The following RABL6 variants were observed in gnomAD, a reference collection of about 807,000 sequenced individuals.
The protein encoded by RABL6 is rab-like protein 6.
In RABL6, 28 loss-of-function variants were observed where a neutral mutation model predicts 72.9. That is an observed-to-expected ratio of 0.38 (90% CI 0.28 to 0.53). The LOEUF (loss-of-function observed/expected upper bound fraction) is 0.53, where lower values mean the gene tolerates loss of function less well. RABL6 is among the 20% of genes least tolerant of loss of function. RABL6 has a pLI of 0.80. For synonymous variants in RABL6, 477 were observed against 421.2 expected, an observed-to-expected ratio of 1.13 and a Z score of -1.62; for missense variants, 1,029 against 1,008.4, an observed-to-expected ratio of 1.02 and a Z score of -0.28.
intron 1 of RABL6, chr9:136,814,258 TG>T (rs1398568569): frequency 5.4e-6 from 1 of 185,492 alleles, no homozygotes; most frequent in Non-Finnish European, 1.1e-5. Flanking sequence ...TGGTGCTCAC[TG>T]CAGCTTCCAC....
intron 7 of RABL6, chr9:136,833,757 T>C (rs1255891570): frequency 1.3e-6 from 2 of 1,550,490 alleles, no homozygotes; most frequent in Admixed American, 3.9e-5. Flanking sequence ...GGCTGTGCTG[T>C]CGTCCTGGTG....
intron 3 of RABL6, 91 bp downstream of exon 3, chr9:136,825,917 C>T (rs1415370447): frequency 2.1e-6 from 3 of 1,434,598 alleles, no homozygotes; most frequent in Non-Finnish European, 2.9e-6. Context: ...GCCCATGCAT[C>T]ACCCACCATC....
At chr9:136,822,736 C>T (rs1040274786) in intron 1 of RABL6, among the ~76,000 whole-genome samples, 1 of 152,212 alleles carries the variant, frequency 6.6e-6, no homozygotes, top group African/African-American at 2.4e-5. Flanking sequence ...CCGGGGCTAC[C>T]CGGCACACAC....
chr9:136,815,926 G>T (rs904640160), intron 1 of RABL6, among the ~76,000 whole-genome samples: 1 of 152,178 alleles, frequency 6.6e-6, no homozygotes, highest in African/African-American at 2.4e-5. Flanking sequence ...TAGTAAAAGA[G>T]CAGGTTTACC....
At position 136,839,736 on chromosome 9, in the gene RABL6, G is replaced by C. The variant is rs751187534; in HGVS notation, c.1801G>C (p.Glu601Gln). The change falls in exon 13 of 15, where the codon GAG becomes CAG. Residue 601 changes from glutamate (E) to glutamine (Q), a missense_variant. Physicochemically the swap from Glu to Gln is conservative, Grantham distance 29 (BLOSUM62 2). Coordinates refer to ENST00000311502, the MANE Select transcript of RABL6 (RefSeq NM_024718.5). ...VRDDPSDVTD[E>Q]DEGPAEPPPP... ...AGATGACCCCTCCGATGTGACTGAC[G>C]AGGATGAGGGCCCTGCCGAGCCGCC... is the stretch of plus-strand genomic sequence containing the variant. 103 of 1,608,600 alleles carry C rather than the reference G, an allele frequency of 6.4e-5. No individual in the cohort carries two copies. Among genetic ancestry groups the C allele is most frequent in the Middle Eastern group, 3.3e-4 (2 of 6,056 alleles).
chr9:136,824,978 G>T (rs1043107709), intron 2 of RABL6, among the ~76,000 whole-genome samples: 1 of 152,172 alleles, frequency 6.6e-6, no homozygotes, highest in African/African-American at 2.4e-5. Context: ...TGAGGGCCCC[G>T]GGCGTGCCTC....
rs538402912 is a variant in RABL6 at position 136,828,516 on chromosome 9, C to T, written c.336C>T (p.Asp112=). Residue 112 remains aspartate (D), a synonymous_variant, in exon 4 of 15, where the codon GAC becomes GAT. Transcript: ENST00000311502. ...VDKGKCKKRG[D]GLKMENDPQE... is the part of the protein sequence containing the mutation. ...AAGGAAAATGCAAAAAGCGAGGCGA[C>T]GGCTTAAAGATGGAGAACGACCCCC... 63 of 1,613,304 alleles carry T rather than the reference C, an allele frequency of 3.9e-5. No individual in the cohort carries two copies. In the Middle Eastern group the frequency reaches 2.4e-3, roughly 62 times the overall value.
Position 136,814,231 on chromosome 9 carries a change from CCCAG to C in RABL6, c.130+5906_130+5909del, listed in dbSNP as rs200715447. The C allele has an allele frequency of 6.4e-3, 1,431 of 223,534 alleles. 20 individuals carry two copies. Among genetic ancestry groups the C allele is most frequent in the African/African-American group, 0.032 (1,350 of 41,974 alleles). 13.8% of individuals were successfully genotyped at this position (223,534 alleles called of 1,614,324 possible). A position where few individuals can be genotyped will look rare whatever the true frequency, so the allele number is the denominator to read the frequency against. ...TTCGAGACAGGGTCTTGCTCTGTTA[CCCAG>C]GCTGGAGTGCAATGGTGCTCACTGC... On this transcript the variant is annotated intron_variant, in intron 1 of 14. Coordinates refer to ENST00000311502, the MANE Select transcript of RABL6 (RefSeq NM_024718.5).
Position 136,840,954 on chromosome 9 carries a change from G to T in RABL6, c.*432G>T, listed in dbSNP as rs185302080. 14 of 1,458,960 alleles carry T rather than the reference G, an allele frequency of 9.6e-6. No individual in the cohort carries two copies. The African/African-American group carries it at 1.7e-4, about 18-fold the overall frequency. The allele number at this position is 1,458,960 out of a possible 1,614,324, so 90.4% of individuals were successfully genotyped here. ...GCAGCATGCCTATGGTTCCGCTTCC[G>T]GCCGGGAGCCCTGAACACGGGTGTG... On this transcript the variant is annotated 3_prime_UTR_variant, in exon 15 of 15. Transcript: ENST00000311502.
chr9:136,837,278 C>T, intron 8 of RABL6, 68 bp from the exon 9 acceptor site: 1 of 1,492,390 alleles, frequency 6.7e-7, no homozygotes, highest in Non-Finnish European at 9.2e-7. Flanking sequence ...GCAGAGAGCC[C>T]CCTGTCACCT....
intron 1 of RABL6, among the ~76,000 whole-genome samples, chr9:136,811,398 A>G (rs886542395): frequency 5.3e-5 from 8 of 152,140 alleles, no homozygotes; most frequent in South Asian, 2.1e-4. Context: ...CAGGCGGACA[A>G]CCTGAGGCCA....
At chr9:136,821,505 G>A in intron 1 of RABL6, 1 of 985,416 alleles carries the variant, frequency 1.0e-6, no homozygotes, top group African/African-American at 1.7e-5. Context: ...GGCCCAGCGA[G>A]GCTATGCGTG....
In RABL6 at chr9:136,818,231, C is replaced by G. The variant is rs1373466927; in HGVS notation, c.131-5294C>G. 2.7e-5 allele frequency among the ~76,000 whole-genome samples: 4 copies of G among 150,434 alleles called. 1 individual carries two copies. The East Asian group carries it at 7.8e-4, about 30-fold the overall frequency. On this transcript the variant is annotated intron_variant, in intron 1 of 14. Coordinates refer to ENST00000311502, the MANE Select transcript of RABL6 (RefSeq NM_024718.5). ...ACAAAAAATTAGACGGGCGTGGTGGCGGGCGCCTGTAGTCCCAGCTACTTA... is the reference window on the plus strand; with the variant it reads ...ACAAAAAATTAGACGGGCGTGGTGGGGGGCGCCTGTAGTCCCAGCTACTTA...
At chr9:136,819,860 C>T (rs1169852166) in intron 1 of RABL6, among the ~76,000 whole-genome samples, 1 of 151,182 alleles carries the variant, frequency 6.6e-6, no homozygotes, top group East Asian at 2.0e-4. Flanking sequence ...CCCAGGAGGT[C>T]GAGACCAGCT....
chr9:136,811,532 C>T (rs558607370), intron 1 of RABL6, among the ~76,000 whole-genome samples: 2 of 151,516 alleles, frequency 1.3e-5, no homozygotes, highest in East Asian at 3.9e-4. Context: ...GCGGGAGAAT[C>T]GCTTGAGCCC....
At chr9:136,822,891 A>G (rs866948452) in intron 1 of RABL6, among the ~76,000 whole-genome samples, 1 of 152,270 alleles carries the variant, frequency 6.6e-6, no homozygotes, top group Non-Finnish European at 1.5e-5. Flanking sequence ...GATCGAGACC[A>G]CCCTGGCTAA....
At chr9:136,821,825 C>T in intron 1 of RABL6, 21 of 1,189,058 alleles carry the variant, frequency 1.8e-5, no homozygotes, top group Non-Finnish European at 2.2e-5. Flanking sequence ...GAGGGCCCAG[C>T]CTTCCGCGGG....
At chr9:136,813,950 CTT>C (rs1848065584) in intron 1 of RABL6, 1 of 380,636 alleles carries the variant, frequency 2.6e-6, no homozygotes, top group Non-Finnish European at 5.2e-6. Flanking sequence ...TCCTGAGTGA[CTT>C]TGTAAGGGAG....
intron 1 of RABL6, chr9:136,813,376 C>T (rs569066391): frequency 3.5e-5 from 34 of 969,826 alleles, no homozygotes; most frequent in African/African-American, 3.2e-4. Flanking sequence ...TCTTCTGTTG[C>T]ACTGTAGGAG....
Sources: gnomAD v4.1 joint callset for allele counts (sites outside exome capture counted in the v4.1 genomes callset) on GRCh38, gnomAD v4.1.1 for gene constraint, MANE v1.5 for transcripts, NCBI Gene and HGNC (gene_info 2026-07-23, HGNC 2026-07-21) for gene names.